The following UNC13C variants were observed in gnomAD, a reference collection of about 807,000 sequenced individuals.
UNC13C encodes unc-13 homolog C, also known as protein unc-13 homolog C.
Under a neutral mutation model 245.4 loss-of-function variants are expected in UNC13C, and 174 were observed. The ratio of observed to expected loss-of-function variants is 0.71; its 90% CI spans 0.63 to 0.80. The LOEUF is 0.80. UNC13C is among the 30% of genes least tolerant of loss of function. The probability of loss-of-function intolerance (pLI) is 0.00; values close to 1 mark genes in which losing one functional copy is unlikely to be tolerated. For missense variants in UNC13C, 2,829 were observed against 2,602.9 expected, an observed-to-expected ratio of 1.09 and a Z score of -1.89; for synonymous variants, 992 against 895.1, an observed-to-expected ratio of 1.11 and a Z score of -1.93.
At chr15:54,492,825 G>T (rs999326026) in intron 19 of UNC13C, among the ~76,000 whole-genome samples, 1 of 152,132 alleles carries the variant, frequency 6.6e-6, no homozygotes, top group African/African-American at 2.4e-5. Context: ...GGTACAACCC[G>T]CAAACCTTGG....
intron 7 of UNC13C, among the ~76,000 whole-genome samples, chr15:54,241,723 T>C (rs945725243): frequency 7.2e-5 from 11 of 152,204 alleles, no homozygotes; most frequent in African/African-American, 2.7e-4. Flanking sequence ...CCCTTTTCTC[T>C]TTATACAGTG....
At chr15:54,075,110 A>G (rs1004538167) in intron 2 of UNC13C, among the ~76,000 whole-genome samples, 1 of 152,130 alleles carries the variant, frequency 6.6e-6, no homozygotes, top group Non-Finnish European at 1.5e-5. Context: ...CTATCACTCA[A>G]AGAATAATAA....
At chr15:54,491,554 ACTTTCTCAC>A (rs1405948683) in intron 19 of UNC13C, among the ~76,000 whole-genome samples, 2 of 152,208 alleles carry the variant, frequency 1.3e-5, no homozygotes, top group African/African-American at 4.8e-5. Context: ...CAGAAAATAT[ACTTTCTCAC>A]CTTTATTTTA....
At chr15:54,388,684 C>T (rs2039889033) in intron 17 of UNC13C, among the ~76,000 whole-genome samples, 1 of 152,110 alleles carries the variant, frequency 6.6e-6, no homozygotes, top group Non-Finnish European at 1.5e-5. Flanking sequence ...GGGCCTCTCT[C>T]CTTTACCTAT....
At chr15:54,083,744 G>A (rs969750301) in intron 2 of UNC13C, among the ~76,000 whole-genome samples, 2 of 152,156 alleles carry the variant, frequency 1.3e-5, no homozygotes, top group African/African-American at 4.8e-5. Context: ...GGACCCCACA[G>A]CTCCCCAGGG....
At chr15:53,856,341 GT>G in the UNC13C span, among the ~76,000 whole-genome samples, 4 of 149,294 alleles carry the variant, frequency 2.7e-5, no homozygotes, top group East Asian at 7.9e-4. Flanking sequence ...TCTTCTGTTA[GT>G]TTTGGGGTTT....
At chr15:53,869,343 T>C in the UNC13C span, among the ~76,000 whole-genome samples, 1 of 152,166 alleles carries the variant, frequency 6.6e-6, no homozygotes, top group African/African-American at 2.4e-5. Flanking sequence ...CACAGGCATA[T>C]ACATTCATGA....
At chr15:53,901,218 C>CTTTTT in the UNC13C span, among the ~76,000 whole-genome samples, 2 of 104,828 alleles carry the variant, frequency 1.9e-5, no homozygotes, top group East Asian at 3.0e-4. Context: ...TCATAGATTT[C>CTTTTT]TTTTTTTTTT....
rs762645407 is a variant in UNC13C, at chr15:54,250,443, G to C, written c.3447G>C (p.Gln1149His). Residue 1149 changes from glutamine to histidine, a missense_variant and splice_region_variant, in exon 8 of 33, where the codon CAG becomes CAC. Physicochemically the swap from Gln to His is conservative, Grantham distance 24 (BLOSUM62 0). Transcript: ENST00000260323. ...ACCTGCTAAACGCTGACTGCTTGCA[G>C]AGTGAGTACTTGGTTTGGCTGAAAA... is the stretch of plus-strand genomic sequence containing the variant. Reference protein sequence around the residue: ...CQDLLNADCLQRAAEKSSKHG... With the variant: ...CQDLLNADCLHRAAEKSSKHG... 1.9e-6 allele frequency: 3 copies of C among 1,603,368 alleles called. No individual in the cohort carries two copies. Among genetic ancestry groups the C allele is most frequent in the African/African-American group, 1.3e-5 (1 of 74,684 alleles).
chr15:54,158,478 C>G (rs1012433304), intron 4 of UNC13C, among the ~76,000 whole-genome samples: 2 of 151,938 alleles, frequency 1.3e-5, no homozygotes, highest in African/African-American at 2.4e-5. Context: ...CGCCACCATG[C>G]CCAGCTAATT....
At chr15:54,494,241 A>G (rs1252544050) in intron 19 of UNC13C, among the ~76,000 whole-genome samples, 1 of 152,162 alleles carries the variant, frequency 6.6e-6, no homozygotes, top group Non-Finnish European at 1.5e-5. Context: ...ATTTTAAAAA[A>G]AGAATTTTAA....
At chr15:54,493,116 GGGT>G (rs1893797059) in intron 19 of UNC13C, among the ~76,000 whole-genome samples, 1 of 152,148 alleles carries the variant, frequency 6.6e-6, no homozygotes, top group East Asian at 1.9e-4. Context: ...CTGGGTTTCA[GGGT>G]AGTATTGTGT....
chr15:54,287,444 G>A (rs1363814168), intron 10 of UNC13C, among the ~76,000 whole-genome samples: 1 of 152,036 alleles, frequency 6.6e-6, no homozygotes, highest in African/African-American at 2.4e-5. Context: ...TTTCCTACTT[G>A]ATCCAATCAG....
At position 54,532,508 on chromosome 15, in the gene UNC13C, C is replaced by A. The variant is rs77201951; in HGVS notation, c.5547-409C>A. Among the ~76,000 whole-genome samples, 111 of 152,270 alleles carry A rather than the reference C, an allele frequency of 7.3e-4. 2 individuals carry two copies. In the East Asian group the frequency reaches 0.02, roughly 28 times the overall value. The stretch of plus-strand genomic sequence containing the variant: ...AATACTATTCAGCCAAAAAAAGGAA[C>A]AACATCATGTCCTTTGCAGGGACAT... On this transcript the variant is annotated intron_variant, in intron 25 of 32. Coordinates refer to ENST00000260323, the MANE Select transcript of UNC13C (RefSeq NM_001080534.3).
At chr15:54,247,406 A>G (rs2036020815) in intron 7 of UNC13C, among the ~76,000 whole-genome samples, 1 of 152,116 alleles carries the variant, frequency 6.6e-6, no homozygotes, top group Non-Finnish European at 1.5e-5. Flanking sequence ...TCCCCCTGAA[A>G]TACAAGAATC....
intron 30 of UNC13C, among the ~76,000 whole-genome samples, chr15:54,584,568 A>C (rs1381139137): frequency 6.6e-6 from 1 of 152,246 alleles, no homozygotes; most frequent in Non-Finnish European, 1.5e-5. Flanking sequence ...AATTCAAAAG[A>C]GTAAAAGAAT....
chr15:54,147,789 C>T (rs8031787), intron 4 of UNC13C, among the ~76,000 whole-genome samples: 2,958 of 147,552 alleles, frequency 0.02, 96 homozygotes, highest in African/African-American at 0.071. Flanking sequence ...AAGGTGTGTG[C>T]GTGTGTGTGT....
chr15:53,876,013 T>G, the UNC13C span, among the ~76,000 whole-genome samples: 1 of 152,200 alleles, frequency 6.6e-6, no homozygotes, highest in Non-Finnish European at 1.5e-5. Context: ...AGGGTATGTG[T>G]TCTAAAGTGC....
chr15:54,229,325 G>A (rs1453594650), intron 4 of UNC13C, among the ~76,000 whole-genome samples: 1 of 152,060 alleles, frequency 6.6e-6, no homozygotes, highest in Non-Finnish European at 1.5e-5. Flanking sequence ...TATTATAATT[G>A]CTCACCTGAT....
Sources: allele counts gnomAD v4.1 joint callset (sites outside exome capture counted in the v4.1 genomes callset), GRCh38; gene constraint gnomAD v4.1.1; transcripts MANE v1.5; gene names NCBI Gene and HGNC (gene_info 2026-07-23, HGNC 2026-07-21).